The following NR2C2 variants were observed in gnomAD, a reference collection of about 807,000 sequenced individuals.
NR2C2 encodes the protein nuclear receptor subfamily 2 group C member 2.
NR2C2 carries 6 observed loss-of-function variants against 62.9 expected under a neutral mutation model. That is an observed-to-expected ratio of 0.10 (90% CI 0.05 to 0.19). The LOEUF is 0.19. Among genes scored for constraint, NR2C2 ranks in the 10% least tolerant of loss-of-function variants. NR2C2 has a pLI of 1.00. For missense variants in NR2C2, 479 were observed against 762.7 expected (o/e 0.63, Z 4.38); for synonymous variants, 272 against 273.8 (o/e 0.99, Z 0.07).
At chr3:15,013,836 C>G (rs376008155) in intron 3 of NR2C2, 47 bp downstream of exon 3, 2 of 1,592,552 alleles carry the variant, frequency 1.3e-6, no homozygotes, top group African/African-American at 2.7e-5. Flanking sequence ...TGCTATTGAA[C>G]TTGTTCCTGA....
chr3:14,948,115 C>T (rs1454365531), intron 1 of NR2C2: 1 of 152,022 alleles, frequency 6.6e-6, no homozygotes, highest in African/African-American at 2.4e-5. Flanking sequence ...AGCGGGTTCC[C>T]CCTGACCGGC....
chr3:14,995,848 C>G (rs1040965833), intron 1 of NR2C2, among the ~76,000 whole-genome samples: 7 of 152,106 alleles, frequency 4.6e-5, no homozygotes, highest in Non-Finnish European at 8.8e-5. Flanking sequence ...ATTTGTTATC[C>G]TGCATCTTTT....
In NR2C2 at chr3:15,034,808, A is replaced by C; in HGVS notation, c.1371A>C (p.Glu457Asp). ...IVNHLQNSIQ[E>D]DKLSGDRIKQ... ...ACCACCTGCAGAACAGCATCCAGGAAGGTAGGGCACAGGGACTTGGGGCTG... is the reference window on the plus strand; with the variant it reads ...ACCACCTGCAGAACAGCATCCAGGACGGTAGGGCACAGGGACTTGGGGCTG... The change falls in exon 11 of 14, where the codon GAA (glutamate) becomes GAC (aspartate). Residue 457 changes from glutamate to aspartate, a missense_variant and splice_region_variant. By Grantham distance (45) the Glu-to-Asp change is conservative. Transcript: ENST00000425241. 8.1e-6 allele frequency: 13 copies of C among 1,611,384 alleles called. No homozygotes were observed. Among genetic ancestry groups the C allele is most frequent in the Non-Finnish European group, 1.1e-5 (13 of 1,178,610 alleles).
intron 1 of NR2C2, among the ~76,000 whole-genome samples, chr3:14,978,601 A>G (rs867275039): frequency 6.6e-6 from 1 of 152,126 alleles, no homozygotes; most frequent in Non-Finnish European, 1.5e-5. Flanking sequence ...TCAGTTTCCT[A>G]TCTGCAGGGT....
At chr3:15,027,478 G>A (rs184534342) in intron 7 of NR2C2, among the ~76,000 whole-genome samples, 1 of 152,354 alleles carries the variant, frequency 6.6e-6, no homozygotes, top group East Asian at 1.9e-4. Context: ...CAGTGGATGT[G>A]AAGTGGTATG....
intron 1 of NR2C2, among the ~76,000 whole-genome samples, chr3:14,975,685 G>T (rs2040184717): frequency 6.6e-6 from 1 of 152,100 alleles, no homozygotes; most frequent in Non-Finnish European, 1.5e-5. Context: ...TTCTTTTGGT[G>T]TCTTTGGCTT....
chr3:14,970,269 G>A (rs1251118813), intron 1 of NR2C2, among the ~76,000 whole-genome samples: 5 of 121,232 alleles, frequency 4.1e-5, no homozygotes, highest in East Asian at 2.7e-4. Context: ...GGGGCCGGGG[G>A]TGGGGGGTGG....
Position 15,043,021 on chromosome 3 carries a change from A to G in NR2C2, c.*13A>G, listed in dbSNP as rs920239946. The G allele has an allele frequency of 1.2e-6, 2 of 1,610,236 alleles. No homozygotes were observed. The highest frequency in any genetic ancestry group is 1.7e-5 in the Admixed American group (1 of 59,574). On this transcript the variant is annotated 3_prime_UTR_variant, in exon 14 of 14. Coordinates refer to ENST00000425241, the MANE Select transcript of NR2C2 (RefSeq NM_001291694.2). Reference sequence around the variant, plus strand: ...AGCCAGTCTATAGCGCAAACCACACACCTGCCAAGGAGCAACAGAATCCTT... The same window carrying G: ...AGCCAGTCTATAGCGCAAACCACACGCCTGCCAAGGAGCAACAGAATCCTT...
Position 15,040,632 on chromosome 3 carries a change from A to ATGGC in NR2C2, c.1616+1413_1616+1416dup, listed in dbSNP as rs373328602. Among the ~76,000 whole-genome samples, 227 of 152,320 alleles carry ATGGC rather than the reference A, an allele frequency of 1.5e-3. 1 individual carries two copies. Among genetic ancestry groups the ATGGC allele is most frequent in the African/African-American group, 5.0e-3 (206 of 41,574 alleles). ...TCTCTGGTGTGACTGGGGGTGTCTT[A>ATGGC]TGGCTGGCTGGTCCTGCTGGTAGAC... On this transcript the variant is annotated intron_variant, in intron 13 of 13. Coordinates refer to ENST00000425241, the MANE Select transcript of NR2C2 (RefSeq NM_001291694.2).
rs551829196 is a variant in NR2C2, at chr3:14,977,825, C to T, written c.-39-26051C>T. ...ACTAAAATACAAAATATTAGCTGGG[C>T]ATGGTGGTGTGTGCCTGTAGTCCCA... On this transcript the variant is annotated intron_variant, in intron 1 of 13. Coordinates refer to ENST00000425241, the MANE Select transcript of NR2C2 (RefSeq NM_001291694.2). 2.0e-5 allele frequency among the ~76,000 whole-genome samples: 3 copies of T among 151,712 alleles called. No homozygotes were observed. In the East Asian group the frequency reaches 5.8e-4, roughly 29 times the overall value.
intron 9 of NR2C2, among the ~76,000 whole-genome samples, 179 bp downstream of exon 9, chr3:15,030,631 C>T (rs1379662640): frequency 6.6e-6 from 1 of 152,118 alleles, no homozygotes; most frequent in Admixed American, 6.5e-5. Flanking sequence ...AGTTCAAGAC[C>T]AGCCTGGCCA....
chr3:15,003,211 G>C (rs976034869), intron 1 of NR2C2, among the ~76,000 whole-genome samples: 3 of 151,152 alleles, frequency 2.0e-5, no homozygotes, highest in Admixed American at 2.0e-4. Flanking sequence ...TTGGCCTCCC[G>C]AATGCTGGGA....
chr3:15,013,797 C>T lies in NR2C2; in HGVS notation c.273+8C>T, dbSNP rs1236802685. On this transcript the variant is annotated splice_region_variant and intron_variant, in intron 3 of 13. Transcript: ENST00000425241. ...GTCCCTGGCAGGATCCAGGTAAGGC[C>T]TTTGGACAGGTATTTGTTTCAGCAC... The T allele has an allele frequency of 1.2e-6, 2 of 1,613,910 alleles. No individual in the cohort carries two copies. Among genetic ancestry groups the T allele is most frequent in the Non-Finnish European group, 1.7e-6 (2 of 1,179,798 alleles).
chr3:14,974,360 GGTT>G (rs1284807288), intron 1 of NR2C2, among the ~76,000 whole-genome samples: 1 of 152,080 alleles, frequency 6.6e-6, no homozygotes, highest in African/African-American at 2.4e-5. Context: ...AGGTTGTTCT[GGTT>G]GTTCAGGGTC....
intron 2 of NR2C2, among the ~76,000 whole-genome samples, chr3:15,007,550 T>C (rs1490448464): frequency 6.6e-6 from 1 of 152,212 alleles, no homozygotes; most frequent in African/African-American, 2.4e-5. Flanking sequence ...TCCTTGTGTA[T>C]TGCCAGTCTC....
chr3:14,985,968 C>T (rs981510889), intron 1 of NR2C2, among the ~76,000 whole-genome samples: 1 of 152,024 alleles, frequency 6.6e-6, no homozygotes, highest in Non-Finnish European at 1.5e-5. Flanking sequence ...AGTTTTTTAA[C>T]AGTCACATAA....
intron 2 of NR2C2, among the ~76,000 whole-genome samples, chr3:15,012,146 A>G (rs1255896852): frequency 6.6e-6 from 1 of 150,998 alleles, no homozygotes; most frequent in African/African-American, 2.4e-5. Context: ...GCCAGCCAAC[A>G]TTGTCTTATT....
At chr3:14,982,264 T>A (rs560319675) in intron 1 of NR2C2, among the ~76,000 whole-genome samples, 1 of 152,252 alleles carries the variant, frequency 6.6e-6, no homozygotes, top group Admixed American at 6.5e-5. Context: ...AGAGATGGGT[T>A]CTTGCTATGT....
chr3:15,001,741 T>C (rs1364013795), intron 1 of NR2C2, among the ~76,000 whole-genome samples: 1 of 152,090 alleles, frequency 6.6e-6, no homozygotes, highest in African/African-American at 2.4e-5. Context: ...CTTAACCTAC[T>C]GAGTACCCGG....
Sources: gnomAD v4.1 joint callset for allele counts (sites outside exome capture counted in the v4.1 genomes callset) on GRCh38, gnomAD v4.1.1 for gene constraint, MANE v1.5 for transcripts, NCBI Gene and HGNC (gene_info 2026-07-23, HGNC 2026-07-21) for gene names.